The following EDARADD variants were observed in gnomAD, a reference collection of about 807,000 sequenced individuals.
The protein encoded by EDARADD is EDAR associated via death domain.
Under a neutral mutation model 25.6 loss-of-function variants are expected in EDARADD, and 20 were observed. The observed-to-expected ratio is 0.78, with a 90% CI of 0.55 to 1.14. The LOEUF (loss-of-function observed/expected upper bound fraction) is 1.14. Among genes scored for constraint, EDARADD ranks in the 50% most tolerant of loss-of-function variants. The pLI, the probability that EDARADD is intolerant of heterozygous loss-of-function variation, is 0.00. For synonymous variants in EDARADD, 86 were observed against 94.4 expected (o/e 0.91, Z 0.52); for missense variants, 225 against 270.1 (o/e 0.83, Z 1.17).
At position 236,438,016 on chromosome 1, in the gene EDARADD, C is replaced by G. The variant is rs923905752; in HGVS notation, c.219+10566C>G. ...GCCCACCTTGCGCCCTGCCCAGGGT[C>G]GGTTCCTTCTGAGGGCTGTGAGGGA... is the stretch of plus-strand genomic sequence containing the variant. On this transcript the variant is annotated intron_variant, in intron 4 of 5. Transcript: ENST00000334232. Among the ~76,000 whole-genome samples, 4 of 152,136 alleles carry G rather than the reference C, an allele frequency of 2.6e-5. No individual in the cohort carries two copies. In the East Asian group the frequency reaches 7.7e-4, roughly 29 times the overall value.
rs1226692668 is a variant in EDARADD, at chr1:236,383,391, A to C, written c.-5-25825A>C. Among the ~76,000 whole-genome samples the C allele has an allele frequency of 3.3e-5, 5 of 151,666 alleles. No homozygotes were observed. In the East Asian group the frequency reaches 9.7e-4, roughly 30 times the overall value. ...GCCTGGGCAAGACTCCGTCTCAAAA[A>C]AAAAAAAAAAAAATCTCTCAAGGCA... On this transcript the variant is annotated intron_variant, in intron 3 of 7. Coordinates refer to the EDARADD transcript ENST00000439430.
At chr1:236,440,652 A>G (rs926354553) in intron 4 of EDARADD, among the ~76,000 whole-genome samples, 13 of 151,814 alleles carry the variant, frequency 8.6e-5, no homozygotes, top group African/African-American at 3.1e-4. Flanking sequence ...TTCTAACAGC[A>G]TGTGTTCACT....
At position 236,395,274 on chromosome 1, in the gene EDARADD, A is replaced by AGGACGCGCGCTCTGGGCGCTGG. The variant is rs1397634612; in HGVS notation, c.61+776_61+797dup. On this transcript the variant is annotated intron_variant, in intron 1 of 5. Transcript: ENST00000334232. This position sits in a 1 kb window ranked among gnomAD's most constrained non-coding sequence, Gnocchi z 6.9. ...GCCCAGGGGGACGTGGGTACCGGGC[A>AGGACGCGCGCTCTGGGCGCTGG]GGACGCGCGCTCTGGGCGCTGGGGA... 1 of 975,606 alleles carries AGGACGCGCGCTCTGGGCGCTGG rather than the reference A, an allele frequency of 1.0e-6. No individual in the cohort carries two copies. The highest frequency in any genetic ancestry group is 1.3e-6 in the Non-Finnish European group (1 of 765,674). 60.4% of individuals were successfully genotyped at this position (975,606 alleles called of 1,614,324 possible).
chr1:236,460,819 G>GTT (rs1467748906), intron 4 of EDARADD, among the ~76,000 whole-genome samples: 83 of 145,696 alleles, frequency 5.7e-4, no homozygotes, highest in African/African-American at 1.9e-3. Flanking sequence ...AGTTTTGTGG[G>GTT]GTTTTTTTTT....
intron 4 of EDARADD, among the ~76,000 whole-genome samples, chr1:236,427,654 T>C (rs1657960968): frequency 6.6e-6 from 1 of 152,174 alleles, no homozygotes; most frequent in Admixed American, 6.5e-5. Context: ...ATAGCTTTCA[T>C]TCATTCTTTG....
chr1:236,371,123 A>G (rs1309985395), intron 3 of EDARADD, among the ~76,000 whole-genome samples: 1 of 152,212 alleles, frequency 6.6e-6, no homozygotes, highest in Non-Finnish European at 1.5e-5. Flanking sequence ...CCCCCAAGAA[A>G]CATAGATCTT....
chr1:236,445,046 G>A (rs931000544), intron 4 of EDARADD, among the ~76,000 whole-genome samples: 14 of 151,646 alleles, frequency 9.2e-5, no homozygotes, highest in Non-Finnish European at 2.9e-5. Flanking sequence ...ATATAGGAAA[G>A]CAATTGACTT....
chr1:236,355,415 CTT>C (rs1334803925), intron 3 of EDARADD, among the ~76,000 whole-genome samples: 1 of 149,590 alleles, frequency 6.7e-6, no homozygotes, highest in Admixed American at 6.7e-5. Context: ...TCTAATCTCT[CTT>C]TGATGTTTTG....
chr1:236,454,425 G>T (rs1658801031), intron 4 of EDARADD, among the ~76,000 whole-genome samples: 1 of 152,144 alleles, frequency 6.6e-6, no homozygotes, highest in Admixed American at 6.5e-5. Context: ...CTTTTAGAGA[G>T]CTGGATTCCT....
chr1:236,457,546 C>T (rs563463555), intron 4 of EDARADD, among the ~76,000 whole-genome samples: 4 of 151,710 alleles, frequency 2.6e-5, no homozygotes, highest in African/African-American at 9.7e-5. Context: ...AAAGGCCAGG[C>T]GCAGTGGCTC....
rs1659779949 is a variant in EDARADD, at chr1:236,484,615, C to T, written c.*1966C>T. 3.3e-6 allele frequency: 2 copies of T among 599,874 alleles called. No homozygotes were observed. The highest frequency in any genetic ancestry group is 1.9e-5 in the African/African-American group (1 of 53,808). The allele number at this position is 599,874 out of a possible 1,614,324, so 37.2% of individuals were successfully genotyped here. On this transcript the variant is annotated 3_prime_UTR_variant, in exon 6 of 6. Transcript: ENST00000334232. The surrounding 1 kb of genome is among the most constrained non-coding windows in gnomAD (Gnocchi z 4.1). ...CTTGCCCACCGCCGTGGAGTTCGCA[C>T]CTCTTCCTTAGAACTTCTACAGAAG...
At chr1:236,468,964 T>G (rs10802536) in intron 5 of EDARADD, among the ~76,000 whole-genome samples, 67,497 of 152,008 alleles carry the variant, frequency 0.44, 15,032 homozygotes, top group African/African-American at 0.47. Context: ...ATCTCTCTGT[T>G]TGTGCCTTGG....
At chr1:236,477,208 A>T (rs929567778) in intron 5 of EDARADD, among the ~76,000 whole-genome samples, 6 of 152,098 alleles carry the variant, frequency 3.9e-5, no homozygotes, top group African/African-American at 1.4e-4. Context: ...CGACTGTATT[A>T]TTAGTCATTA....
At chr1:236,359,805 G>A (rs148835293) in intron 3 of EDARADD, among the ~76,000 whole-genome samples, 20 of 152,286 alleles carry the variant, frequency 1.3e-4, no homozygotes, top group African/African-American at 4.3e-4. Flanking sequence ...ACCTCCTACA[G>A]GGTCCCTCCC....
intron 3 of EDARADD, among the ~76,000 whole-genome samples, chr1:236,385,297 T>C (rs1251776782): frequency 6.6e-6 from 1 of 150,602 alleles, no homozygotes; most frequent in Non-Finnish European, 1.5e-5. Context: ...TAGTCCCAGC[T>C]ACTCGGGAGG....
intron 5 of EDARADD, among the ~76,000 whole-genome samples, chr1:236,476,727 G>A (rs1030697074): frequency 6.6e-6 from 1 of 152,142 alleles, no homozygotes; most frequent in South Asian, 2.1e-4. Context: ...GTTTCTCCAT[G>A]TTGGTCAGGC....
intron 4 of EDARADD, among the ~76,000 whole-genome samples, chr1:236,436,794 CAGTT>C (rs1034955925): frequency 2.6e-5 from 4 of 151,986 alleles, no homozygotes; most frequent in Non-Finnish European, 5.9e-5. Context: ...TTGGTTGGGA[CAGTT>C]GGTTGGGACA....
intron 1 of EDARADD, among the ~76,000 whole-genome samples, chr1:236,408,262 G>C (rs1025160949): frequency 6.6e-6 from 1 of 152,084 alleles, no homozygotes; most frequent in African/African-American, 2.4e-5. Context: ...GAGGGCAGTG[G>C]TGTGATCTCA....
chr1:236,471,510 G>A (rs1369770587), intron 5 of EDARADD, among the ~76,000 whole-genome samples: 13 of 150,102 alleles, frequency 8.7e-5, no homozygotes, highest in African/African-American at 2.0e-4. Context: ...CTTAATAACC[G>A]TTACTGCAGA....
Sources: gnomAD v4.1 joint callset for allele counts (sites outside exome capture counted in the v4.1 genomes callset) on GRCh38, gnomAD v4.1.1 for gene constraint, Gnocchi (gnomAD v3.1) non-coding constraint, MANE v1.5 for transcripts, NCBI Gene and HGNC (gene_info 2026-07-23, HGNC 2026-07-21) for gene names.